Variants in HPSE observed in about 807,000 individuals in gnomAD.
HPSE encodes the protein endo-glucoronidase.
Under a neutral mutation model 65.1 loss-of-function variants are expected in HPSE, and 48 were observed. The ratio of observed to expected loss-of-function variants is 0.74; its 90% CI spans 0.58 to 0.94. The LOEUF (loss-of-function observed/expected upper bound fraction) is 0.94, where lower values mean the gene tolerates loss of function less well. Among genes scored for constraint, HPSE ranks in the 40% least tolerant of loss-of-function variants. The pLI is 0.00. For synonymous variants in HPSE, 243 were observed against 260.0 expected, an observed-to-expected ratio of 0.93 and a Z score of 0.63; for missense variants, 644 against 637.5, an observed-to-expected ratio of 1.01 and a Z score of -0.11.
At chr4:83,303,512 T>C (rs1425640119) in intron 9 of HPSE, among the ~76,000 whole-genome samples, 1 of 152,232 alleles carries the variant, frequency 6.6e-6, no homozygotes, top group Admixed American at 6.5e-5. Context: ...ATTTAAAGTA[T>C]GATAAAAGTA....
rs768534402 is a variant in HPSE at position 83,322,394 on chromosome 4, C to T, written c.228-30G>A. On this transcript the variant is annotated intron_variant, in intron 1 of 11. Coordinates refer to ENST00000311412, the MANE Select transcript of HPSE (RefSeq NM_001098540.3). ...TAGGAAGACAAGCAAGAAAGTATAA[C>T]TATTTTTTCCAAGACAATCTAGTCA... is the stretch of plus-strand genomic sequence containing the variant. 4 of 1,578,192 alleles carry T rather than the reference C, an allele frequency of 2.5e-6. No homozygotes were observed. In the South Asian group the frequency reaches 3.5e-5, roughly 14 times the overall value.
intron 2 of HPSE, among the ~76,000 whole-genome samples, chr4:83,320,458 C>T (rs190650511): frequency 1.1e-4 from 17 of 151,988 alleles, no homozygotes; most frequent in South Asian, 2.1e-4. Context: ...CCCAGCTACT[C>T]GGGAGACCGA....
intron 1 of HPSE, 103 bp downstream of exon 1, chr4:83,334,453 G>T: frequency 1.6e-6 from 2 of 1,288,162 alleles, no homozygotes; most frequent in Non-Finnish European, 2.1e-6. Flanking sequence ...GGGAGGTTCC[G>T]GTGTGAAGTT....
chr4:83,326,619 G>A lies in HPSE; in HGVS notation c.228-4255C>T, dbSNP rs930593453. ...CACATACAGGCCGGGAATATAGACA[G>A]GCGAGTCCTCAGTAGAAATGTCAGG... On this transcript the variant is annotated intron_variant, in intron 1 of 11. Coordinates refer to ENST00000311412, the MANE Select transcript of HPSE (RefSeq NM_001098540.3). This position sits in a 1 kb window ranked among gnomAD's most constrained non-coding sequence, Gnocchi z 4.2. Among the ~76,000 whole-genome samples the A allele has an allele frequency of 6.6e-6, 1 of 152,204 alleles. No homozygotes were observed. Among genetic ancestry groups the A allele is most frequent in the Non-Finnish European group, 1.5e-5 (1 of 68,034 alleles).
At chr4:83,325,242 T>G (rs1200811521) in intron 1 of HPSE, among the ~76,000 whole-genome samples, 1 of 150,792 alleles carries the variant, frequency 6.6e-6, no homozygotes, top group African/African-American at 2.4e-5. Context: ...CTCGGCTCAC[T>G]GCCACCTCTG....
At chr4:83,314,281 CA>C (rs1578016191) in intron 3 of HPSE, among the ~76,000 whole-genome samples, 6 of 57,664 alleles carry the variant, frequency 1.0e-4, no homozygotes, top group African/African-American at 2.8e-4. Flanking sequence ...AAAAAACAAA[CA>C]AAAAAAAAAG....
chr4:83,306,403 GTATT>G, intron 8 of HPSE, 86 bp from the exon 9 acceptor site: 1 of 679,260 alleles, frequency 1.5e-6, no homozygotes, highest in Non-Finnish European at 2.6e-6. Context: ...TTTTATTTAT[GTATT>G]TATTTATTTA....
chr4:83,302,970 G>A (rs139934083), intron 9 of HPSE, among the ~76,000 whole-genome samples: 1 of 152,208 alleles, frequency 6.6e-6, no homozygotes, highest in East Asian at 1.9e-4. Flanking sequence ...ATGAGACACT[G>A]TCTCAAAATA....
At chr4:83,302,106 C>T (rs199957714) in intron 10 of HPSE, 44 bp downstream of exon 10, 1 of 1,286,792 alleles carries the variant, frequency 7.8e-7, no homozygotes, top group Admixed American at 1.7e-5. Context: ...ACAGGCTTAC[C>T]CACTAAAACT....
intron 1 of HPSE, among the ~76,000 whole-genome samples, chr4:83,323,489 AT>A (rs1737007096): frequency 8.1e-6 from 1 of 123,636 alleles, no homozygotes; most frequent in South Asian, 2.9e-4. Context: ...GCTCTAAAAA[AT>A]AAAGTCTATT....
chr4:83,295,258 G>A lies in HPSE; in HGVS notation c.*86C>T, dbSNP rs1735678352. 8.5e-7 allele frequency: 1 copy of A among 1,169,930 alleles called. No individual in the cohort carries two copies. Among genetic ancestry groups the A allele is most frequent in the African/African-American group, 1.5e-5 (1 of 64,998 alleles). The allele number at this position is 1,169,930 out of a possible 1,614,324, so 72.5% of individuals were successfully genotyped here. The stretch of plus-strand genomic sequence containing the variant: ...CAAGCACCCACTAGTTGCTTTGCAA[G>A]GTATCTGCTTCCTTTCCTATAACTT... On this transcript the variant is annotated 3_prime_UTR_variant, in exon 12 of 12. Coordinates refer to ENST00000311412, the MANE Select transcript of HPSE (RefSeq NM_001098540.3).
chr4:83,312,938 C>T (rs1228677715), intron 4 of HPSE, among the ~76,000 whole-genome samples, 176 bp downstream of exon 4: 2 of 40,626 alleles, frequency 4.9e-5, no homozygotes, highest in African/African-American at 1.3e-4. Flanking sequence ...AGGAGAATGG[C>T]GTGAATTTGG....
chr4:83,322,206 TAA>T lies in HPSE; in HGVS notation c.373+11_373+12del. On this transcript the variant is annotated intron_variant, in intron 2 of 11. Coordinates refer to ENST00000311412, the MANE Select transcript of HPSE (RefSeq NM_001098540.3). ...TTAATTAAAATATAGAGTGAATCTT[TAA>T]AAATTTTCACCCTGGTTGACTTGAG... The T allele has an allele frequency of 6.2e-7, 1 of 1,609,440 alleles. No individual in the cohort carries two copies.
rs528826877 is a variant in HPSE at position 83,316,616 on chromosome 4, G to T, written c.499+2728C>A. ...GCAACGGAAGAATGGGGTGATGAGG[G>T]GAACAGGAGGAGAAGAGGAAGTACA... On this transcript the variant is annotated intron_variant, in intron 3 of 11. Coordinates refer to ENST00000311412, the MANE Select transcript of HPSE (RefSeq NM_001098540.3). 1.3e-3 allele frequency among the ~76,000 whole-genome samples: 192 copies of T among 152,252 alleles called. 1 individual carries two copies. Among genetic ancestry groups the T allele is most frequent in the African/African-American group, 4.4e-3 (184 of 41,546 alleles).
chr4:83,308,609 T>C (rs1312811823), intron 8 of HPSE, among the ~76,000 whole-genome samples: 1 of 152,184 alleles, frequency 6.6e-6, no homozygotes, highest in Non-Finnish European at 1.5e-5. Flanking sequence ...TGGGCCATAA[T>C]TAAAGGCCAA....
At chr4:83,312,840 G>GAA (rs1736455255) in intron 4 of HPSE, among the ~76,000 whole-genome samples, 1 of 13,260 alleles carries the variant, frequency 7.5e-5, no homozygotes, top group South Asian at 2.4e-3. Flanking sequence ...TACTAAAAAT[G>GAA]CAAAAAAAAA....
chr4:83,299,370 A>G (rs1177778125), intron 11 of HPSE, among the ~76,000 whole-genome samples: 5 of 143,680 alleles, frequency 3.5e-5, no homozygotes, highest in African/African-American at 8.4e-5. Flanking sequence ...TCTCAAAAAA[A>G]AAAAAAAAAA....
chr4:83,319,612 A>G, intron 2 of HPSE, 143 bp from the exon 3 acceptor site: 2 of 813,216 alleles, frequency 2.5e-6, no homozygotes, highest in Non-Finnish European at 3.8e-6. Context: ...GAGAAAAGGT[A>G]TATTCTGTAA....
At chr4:83,324,182 C>T (rs546066918) in intron 1 of HPSE, among the ~76,000 whole-genome samples, 99 of 124,186 alleles carry the variant, frequency 8.0e-4, no homozygotes, top group African/African-American at 2.9e-3. Flanking sequence ...AGTACGATGG[C>T]GTGATCTCAG....
Sources: gnomAD v4.1 joint callset for allele counts (sites outside exome capture counted in the v4.1 genomes callset) on GRCh38, gnomAD v4.1.1 for gene constraint, Gnocchi (gnomAD v3.1) non-coding constraint, MANE v1.5 for transcripts, NCBI Gene and HGNC (gene_info 2026-07-23, HGNC 2026-07-21) for gene names.